Variants in CHD5 observed in about 807,000 individuals in gnomAD.
CHD5 encodes chromodomain helicase DNA binding protein 5.
In CHD5, 69 loss-of-function variants were observed where a neutral mutation model predicts 230.3. That is an observed-to-expected ratio of 0.30 (90% confidence interval 0.25 to 0.37). The LOEUF (loss-of-function observed/expected upper bound fraction) is 0.37. Among genes scored for constraint, CHD5 ranks in the 10% least tolerant of loss-of-function variants. CHD5 has a pLI of 1.00. For synonymous variants in CHD5, 1,064 were observed against 1,065.9 expected (o/e 1.00, Z 0.03); for missense variants, 1,827 against 2,622.8 (o/e 0.70, Z 6.63).
intron 33 of CHD5, chr1:6,113,376 A>G: frequency 4.6e-6 from 2 of 431,736 alleles, no homozygotes; most frequent in African/African-American, 2.0e-5. Context: ...ATGAGCCGAG[A>G]TGGCGCCACT....
chr1:6,165,586 C>T (rs921749673), intron 2 of CHD5, among the ~76,000 whole-genome samples: 3 of 151,974 alleles, frequency 2.0e-5, no homozygotes, highest in Admixed American at 6.6e-5. Context: ...GGAGTGAGGG[C>T]GGGGATGGCA....
chr1:6,168,187 T>C lies in CHD5; in HGVS notation c.170A>G (p.Lys57Arg). 1.2e-6 allele frequency: 2 copies of C among 1,612,430 alleles called. No homozygotes were observed. Among genetic ancestry groups the C allele is most frequent in the Non-Finnish European group, 1.7e-6 (2 of 1,178,628 alleles). Residue 57 changes from lysine (K) to arginine (R), a missense_variant, in exon 2 of 42, where the codon AAG becomes AGG. Physicochemically the swap from Lys to Arg is conservative, Grantham distance 26 (BLOSUM62 2). Transcript: ENST00000262450. ...LPKKKKPKKL[K>R]ENKCKGKRKK... ...CCGCTTCCCTTTACACTTGTTTTCCTTGAGCTTCTTGGGTTTCTTCTTCTT... is the reference window on the plus strand; with the variant it reads ...CCGCTTCCCTTTACACTTGTTTTCCCTGAGCTTCTTGGGTTTCTTCTTCTT...
chr1:6,124,987 G>A, intron 29 of CHD5, 113 bp downstream of exon 29: 1 of 1,170,324 alleles, frequency 8.5e-7, no homozygotes, highest in South Asian at 1.6e-5. Flanking sequence ...GAACTTTCCA[G>A]ACGGCCTCAT....
In CHD5 at chr1:6,129,122, G is replaced by A. The variant is rs1183738712; in HGVS notation, c.3388-53C>T. On this transcript the variant is annotated intron_variant, in intron 22 of 41. Transcript: ENST00000262450. This position sits in a 1 kb window ranked among gnomAD's most constrained non-coding sequence, Gnocchi z 6.8. The stretch of plus-strand genomic sequence containing the variant: ...TGGCTCACCCAGGGCTCCAGGCAAT[G>A]GAGGAGATCACACCCATGAGCTCAA... 3 of 1,284,514 alleles carry A rather than the reference G, an allele frequency of 2.3e-6. No homozygotes were observed. Among genetic ancestry groups the A allele is most frequent in the Non-Finnish European group, 3.3e-6 (3 of 902,796 alleles). The allele number at this position is 1,284,514 out of a possible 1,614,324, so 79.6% of individuals were successfully genotyped here. A position where few individuals can be genotyped will look rare whatever the true frequency, so the allele number is the denominator to read the frequency against.
chr1:6,166,304 G>A (rs951502721), intron 2 of CHD5, among the ~76,000 whole-genome samples: 1 of 151,624 alleles, frequency 6.6e-6, no homozygotes. Context: ...AGTGGCAGCA[G>A]TGGGGGTGCT....
intron 2 of CHD5, among the ~76,000 whole-genome samples, chr1:6,164,391 G>A (rs1004196367): frequency 3.3e-5 from 5 of 152,232 alleles, no homozygotes; most frequent in African/African-American, 4.8e-5. Flanking sequence ...AACCGCTGCA[G>A]TACAGGTTGA....
At chr1:6,148,452 G>C (rs1666944815) in intron 9 of CHD5, among the ~76,000 whole-genome samples, 1 of 152,206 alleles carries the variant, frequency 6.6e-6, no homozygotes, top group South Asian at 2.1e-4. Context: ...AGGTCACTCT[G>C]CTTCCCTGAG....
Position 6,117,717 on chromosome 1 carries a change from C to T in CHD5, c.4912+3388G>A, listed in dbSNP as rs530466188. ...AACATCTTTATGCACAAAGTAAACT[C>T]AAATCAAAATGACAATGAGATACCA... is the stretch of plus-strand genomic sequence containing the variant. On this transcript the variant is annotated intron_variant, in intron 33 of 41. Transcript: ENST00000262450. Among the ~76,000 whole-genome samples the T allele has an allele frequency of 3.3e-5, 5 of 152,234 alleles. No individual in the cohort carries two copies. The South Asian group carries it at 1.0e-3, about 32-fold the overall frequency.
At chr1:6,123,423 G>C (rs1415391312) in intron 31 of CHD5, among the ~76,000 whole-genome samples, 4 of 151,034 alleles carry the variant, frequency 2.6e-5, no homozygotes, top group Non-Finnish European at 5.9e-5. Flanking sequence ...AGAAATCACT[G>C]AATAGTACTT....
intron 1 of CHD5, among the ~76,000 whole-genome samples, chr1:6,175,114 G>A (rs184123573): frequency 1.3e-3 from 195 of 151,576 alleles, no homozygotes; most frequent in African/African-American, 3.9e-3. Context: ...GTGGATTGAT[G>A]AATAGATGGA....
At chr1:6,158,815 G>A (rs956461607) in intron 3 of CHD5, among the ~76,000 whole-genome samples, 7 of 151,360 alleles carry the variant, frequency 4.6e-5, no homozygotes, top group African/African-American at 7.3e-5. Flanking sequence ...AGACCATCCC[G>A]GCTAAAACGG....
At chr1:6,153,827 TCAAAA>T (rs111886993) in intron 5 of CHD5, among the ~76,000 whole-genome samples, 2 of 151,804 alleles carry the variant, frequency 1.3e-5, no homozygotes, top group African/African-American at 2.4e-5. Context: ...TGAGAGTCTG[TCAAAA>T]CAAAACAAAA....
At chr1:6,123,247 T>C (rs1666499370) in intron 31 of CHD5, among the ~76,000 whole-genome samples, 1 of 152,024 alleles carries the variant, frequency 6.6e-6, no homozygotes, top group Middle Eastern at 3.4e-3. Context: ...ACACGAACCA[T>C]CCAGCATTGC....
chr1:6,179,304 C>G (rs947876536), intron 1 of CHD5, among the ~76,000 whole-genome samples: 4 of 152,146 alleles, frequency 2.6e-5, no homozygotes, highest in Non-Finnish European at 2.9e-5. Flanking sequence ...GCCGGCGGCC[C>G]GGGTAAAGTG....
At position 6,154,693 on chromosome 1, in the gene CHD5, G is replaced by A; in HGVS notation, c.712C>T (p.Pro238Ser). The A allele has an allele frequency of 6.3e-7, 1 of 1,595,230 alleles. No individual in the cohort carries two copies. Among genetic ancestry groups the A allele is most frequent in the Non-Finnish European group, 8.6e-7 (1 of 1,169,558 alleles). The change falls in exon 5 of 42, where the codon CCT becomes TCT. Residue 238 changes from proline (P) to serine (S), a missense_variant. Coordinates refer to ENST00000262450, the MANE Select transcript of CHD5 (RefSeq NM_015557.3). The surrounding 1 kb of genome is among the most constrained non-coding windows in gnomAD (Gnocchi z 7.0). ...VSPPQVPQPV[P>S]IRKAKTKEGK... is the part of the protein sequence containing the mutation. ...TCCTTGGTCTTGGCCTTGCGGATAGGCACAGGCTGGGGCACCTGCGGGGGG... is the reference window on the plus strand; with the variant it reads ...TCCTTGGTCTTGGCCTTGCGGATAGACACAGGCTGGGGCACCTGCGGGGGG...
rs1460368269 is a variant in CHD5, at chr1:6,155,061, C to T, written c.507-163G>A. On this transcript the variant is annotated intron_variant, in intron 4 of 41. Transcript: ENST00000262450. This position sits in a 1 kb window ranked among gnomAD's most constrained non-coding sequence, Gnocchi z 4.0. ...CGGGAAACCCACTGACCACAGCCCA[C>T]CCCCAAAACGCCCCAGCTTCCTGTC... Among the ~76,000 whole-genome samples, 2 of 151,522 alleles carry T rather than the reference C, an allele frequency of 1.3e-5. No homozygotes were observed. The highest frequency in any genetic ancestry group is 2.1e-4 in the South Asian group (1 of 4,818).
rs1666637731 is a variant in CHD5, at chr1:6,130,479, C to T, written c.3263-151G>A. The T allele has an allele frequency of 6.7e-6, 5 of 749,442 alleles. No homozygotes were observed. In the South Asian group the frequency reaches 9.1e-5, roughly 14 times the overall value. 46.4% of individuals were successfully genotyped at this position (749,442 alleles called of 1,614,324 possible). ...CGGAGACCCCATCAGAGACGGGTGG[C>T]CACAGCTGCACTCAGGGGAGCCAGA... On this transcript the variant is annotated intron_variant, in intron 21 of 41. Coordinates refer to ENST00000262450, the MANE Select transcript of CHD5 (RefSeq NM_015557.3). The surrounding 1 kb of genome is among the most constrained non-coding windows in gnomAD (Gnocchi z 4.9).
In CHD5 at chr1:6,180,028, G is replaced by A. The variant is rs1231543821; in HGVS notation, c.-5C>T. 1.5e-6 allele frequency: 2 copies of A among 1,322,254 alleles called. No individual in the cohort carries two copies. The highest frequency in any genetic ancestry group is 2.0e-6 in the Non-Finnish European group (2 of 1,021,034). The allele number at this position is 1,322,254 out of a possible 1,614,324, so 81.9% of individuals were successfully genotyped here. On this transcript the variant is annotated 5_prime_UTR_variant, in exon 1 of 42. Transcript: ENST00000262450. ...GGTGCCCACTGGGCCCCGCATGCCC[G>A]GCGCGGGGAGGAGGGGAGGTGGGCG...
chr1:6,174,887 G>A (rs939618868), intron 1 of CHD5, among the ~76,000 whole-genome samples: 2 of 149,062 alleles, frequency 1.3e-5, no homozygotes, highest in African/African-American at 5.1e-5. Context: ...ATGGATAGAT[G>A]GATGGATAGA....
Sources: gnomAD v4.1 joint callset for allele counts (sites outside exome capture counted in the v4.1 genomes callset) on GRCh38, gnomAD v4.1.1 for gene constraint, Gnocchi (gnomAD v3.1) non-coding constraint, MANE v1.5 for transcripts, NCBI Gene and HGNC (gene_info 2026-07-23, HGNC 2026-07-21) for gene names.